Variants in HIP1 observed in about 807,000 individuals in gnomAD.
HIP1 encodes the protein huntingtin interacting protein 1.
A neutral mutation model predicts 147.6 loss-of-function variants in HIP1; 65 were observed. The observed-to-expected ratio is 0.44, with a 90% CI of 0.36 to 0.54. The LOEUF (loss-of-function observed/expected upper bound fraction) is 0.54. Ranked by LOEUF, HIP1 falls within the 20% of genes least tolerant of loss-of-function variation. The probability of loss-of-function intolerance (pLI) is 0.00; values close to 1 mark genes in which losing one functional copy is unlikely to be tolerated. For missense variants in HIP1, 1,061 were observed against 1,299.6 expected (o/e 0.82, Z 2.82); for synonymous variants, 479 against 504.0 (o/e 0.95, Z 0.67).
chr7:75,577,358 A>G (rs1386168678), intron 7 of HIP1, among the ~76,000 whole-genome samples: 3 of 147,944 alleles, frequency 2.0e-5, no homozygotes, highest in Non-Finnish European at 3.0e-5. Flanking sequence ...AGAGAGAGAG[A>G]AAAGAAAAAC....
intron 1 of HIP1, among the ~76,000 whole-genome samples, chr7:75,717,987 A>G (rs1237172713): frequency 1.3e-5 from 2 of 151,720 alleles, no homozygotes; most frequent in Admixed American, 6.6e-5. Context: ...AAAAAAAAAA[A>G]AAGAATTAGC....
intron 1 of HIP1, among the ~76,000 whole-genome samples, chr7:75,734,414 C>G (rs1801948568): frequency 6.6e-6 from 1 of 151,954 alleles, no homozygotes; most frequent in African/African-American, 2.4e-5. Context: ...CCACTGCACT[C>G]CAGACTGGAC....
intron 1 of HIP1, among the ~76,000 whole-genome samples, chr7:75,711,033 C>T (rs1309099401): frequency 6.6e-6 from 1 of 152,138 alleles, no homozygotes; most frequent in Non-Finnish European, 1.5e-5. Context: ...TGTCTTTTGT[C>T]TACCTATGAG....
chr7:75,664,129 CAT>C lies in HIP1; in HGVS notation c.121-64884_121-64883del, dbSNP rs1452828241. On this transcript the variant is annotated intron_variant, in intron 1 of 30. Transcript: ENST00000336926. ...ATACATGTATGCATATATGCACACA[CAT>C]GTGTGTACATACATACATGTATGTG... Among the ~76,000 whole-genome samples the C allele has an allele frequency of 4.9e-4, 19 of 38,958 alleles. 5 individuals carry two copies. The highest frequency in any genetic ancestry group is 1.5e-3 in the African/African-American group (8 of 5,440). 25.6% of individuals were successfully genotyped at this position (38,958 alleles called of 152,430 possible).
intron 1 of HIP1, chr7:75,733,811 A>G (rs956870571): frequency 6.5e-6 from 1 of 152,980 alleles, no homozygotes; most frequent in Non-Finnish European, 1.5e-5. Context: ...CTGGAGCATT[A>G]TAAGAAAACA....
chr7:75,605,500 C>G (rs1797190395), intron 1 of HIP1, among the ~76,000 whole-genome samples: 1 of 152,092 alleles, frequency 6.6e-6, no homozygotes, highest in African/African-American at 2.4e-5. Flanking sequence ...TGGATGGAGC[C>G]TGGAGGTGAG....
At chr7:75,570,905 G>A (rs1234330587) in intron 8 of HIP1, among the ~76,000 whole-genome samples, 1 of 152,030 alleles carries the variant, frequency 6.6e-6, no homozygotes, top group Non-Finnish European at 1.5e-5. Context: ...AGCTACTTGG[G>A]AGGCTGAGGT....
chr7:75,588,991 AC>A, intron 4 of HIP1, among the ~76,000 whole-genome samples: 1 of 151,826 alleles, frequency 6.6e-6, no homozygotes, highest in East Asian at 1.9e-4. Context: ...TCTCTATTAA[AC>A]ATACAAAATT....
At chr7:75,636,998 C>T (rs1037582399) in intron 1 of HIP1, among the ~76,000 whole-genome samples, 4 of 152,208 alleles carry the variant, frequency 2.6e-5, no homozygotes, top group Admixed American at 6.5e-5. Context: ...CCCACCCAAC[C>T]TCCAAGGGCC....
At position 75,664,449 on chromosome 7, in the gene HIP1, CACAT is replaced by C. The variant is rs541926141; in HGVS notation, c.121-65206_121-65203del. On this transcript the variant is annotated intron_variant, in intron 1 of 30. Transcript: ENST00000336926. The stretch of plus-strand genomic sequence containing the variant: ...GTGTATACATATACATACATATATA[CACAT>C]ACATATGTGTGTGTGTATACGTATA... 6.8e-5 allele frequency among the ~76,000 whole-genome samples: 7 copies of C among 103,544 alleles called. No individual in the cohort carries two copies. The South Asian group carries it at 1.7e-3, about 26-fold the overall frequency. 67.9% of individuals were successfully genotyped at this position (103,544 alleles called of 152,430 possible).
intron 1 of HIP1, among the ~76,000 whole-genome samples, chr7:75,657,222 C>CTTG (rs1349297884): frequency 3.9e-5 from 6 of 152,116 alleles, no homozygotes; most frequent in African/African-American, 1.4e-4. Context: ...CCATAGAATA[C>CTTG]TACGTAGCCA....
At chr7:75,690,288 ACAC>A (rs1800403752) in intron 1 of HIP1, among the ~76,000 whole-genome samples, 1 of 151,982 alleles carries the variant, frequency 6.6e-6, no homozygotes, top group African/African-American at 2.4e-5. Context: ...ACACACACAC[ACAC>A]ACAAAAGGTA....
At chr7:75,628,358 T>C (rs890661849) in intron 1 of HIP1, among the ~76,000 whole-genome samples, 1 of 152,198 alleles carries the variant, frequency 6.6e-6, no homozygotes, top group African/African-American at 2.4e-5. Flanking sequence ...TTTGGCAGAA[T>C]TAGTCATCTT....
At chr7:75,614,255 G>A (rs1797552290) in intron 1 of HIP1, among the ~76,000 whole-genome samples, 1 of 152,156 alleles carries the variant, frequency 6.6e-6, no homozygotes, top group Non-Finnish European at 1.5e-5. Context: ...TGCTCAGGCT[G>A]GTCTGAAACT....
In HIP1 at chr7:75,644,322, T is replaced by G. The variant is rs551743736; in HGVS notation, c.121-45075A>C. ...TTTTGTTTTGTTTTTGAGATGGAAT[T>G]TCACTCTTGTTGCCCAGGCTGGAGT... On this transcript the variant is annotated intron_variant, in intron 1 of 30. Coordinates refer to ENST00000336926, the MANE Select transcript of HIP1 (RefSeq NM_005338.7). Among the ~76,000 whole-genome samples, 8 of 152,272 alleles carry G rather than the reference T, an allele frequency of 5.3e-5. No individual in the cohort carries two copies. The South Asian group carries it at 1.7e-3, about 32-fold the overall frequency.
intron 1 of HIP1, among the ~76,000 whole-genome samples, chr7:75,615,073 G>A (rs892698953): frequency 3.9e-5 from 6 of 151,906 alleles, no homozygotes; most frequent in Admixed American, 3.3e-4. Flanking sequence ...ACGCTGGCCT[G>A]AGAAACTGAT....
At chr7:75,652,453 T>C (rs1465532171) in intron 1 of HIP1, among the ~76,000 whole-genome samples, 6 of 152,284 alleles carry the variant, frequency 3.9e-5, no homozygotes, top group Admixed American at 2.0e-4. Flanking sequence ...AGCCTCCAAC[T>C]CCTGGGCTCA....
At chr7:75,634,941 G>GAAAAAAAAAAAAAA in intron 1 of HIP1, among the ~76,000 whole-genome samples, 1 of 62,580 alleles carries the variant, frequency 1.6e-5, no homozygotes, top group Non-Finnish European at 2.9e-5. Context: ...CACTATCTCT[G>GAAAAAAAAAAAAAA]AAAAAAAAAA....
At chr7:75,672,402 C>T (rs1554515431) in intron 1 of HIP1, among the ~76,000 whole-genome samples, 1 of 151,996 alleles carries the variant, frequency 6.6e-6, no homozygotes, top group East Asian at 1.9e-4. Context: ...TCTCAGCTCC[C>T]TGCAACCTCC....
Sources: gnomAD v4.1 joint callset for allele counts (sites outside exome capture counted in the v4.1 genomes callset) on GRCh38, gnomAD v4.1.1 for gene constraint, MANE v1.5 for transcripts, NCBI Gene and HGNC (gene_info 2026-07-23, HGNC 2026-07-21) for gene names.